CNBD1: variants seen among roughly 807,000 people sequenced by gnomAD.
CNBD1 encodes cyclic nucleotide-binding domain-containing protein 1.
In CNBD1, 71 loss-of-function variants were observed where a neutral mutation model predicts 54.4. The ratio of observed to expected loss-of-function variants is 1.30; its 90% confidence interval spans 1.08 to 1.59. The LOEUF is 1.59. Among genes scored for constraint, CNBD1 ranks in the 40% most tolerant of loss-of-function variants. The pLI, the probability that CNBD1 is intolerant of heterozygous loss-of-function variation, is 0.00. For synonymous variants in CNBD1, 182 were observed against 170.7 expected, an observed-to-expected ratio of 1.07 and a Z score of -0.51; for missense variants, 659 against 518.0, an observed-to-expected ratio of 1.27 and a Z score of -2.64.
At chr8:87,304,922 A>G (rs1482410761) in intron 8 of CNBD1, among the ~76,000 whole-genome samples, 1 of 152,056 alleles carries the variant, frequency 6.6e-6, no homozygotes, top group African/African-American at 2.4e-5. Flanking sequence ...AGCAATCAAG[A>G]GAAAGAAATA....
At chr8:86,908,804 G>GTT (rs1554629470) in intron 3 of CNBD1, among the ~76,000 whole-genome samples, 1 of 137,254 alleles carries the variant, frequency 7.3e-6, no homozygotes, top group African/African-American at 2.7e-5. Context: ...TTTTTTTTGT[G>GTT]CTGAGGGCAG....
At chr8:87,304,495 G>C (rs984973728) in intron 8 of CNBD1, among the ~76,000 whole-genome samples, 2 of 151,918 alleles carry the variant, frequency 1.3e-5, no homozygotes, top group Admixed American at 6.6e-5. Flanking sequence ...GTGGGGTGGG[G>C]TGAGGGGGGA....
chr8:87,337,367 G>A (rs578044523), intron 8 of CNBD1, among the ~76,000 whole-genome samples: 2 of 152,264 alleles, frequency 1.3e-5, no homozygotes, highest in African/African-American at 2.4e-5. Context: ...TCAGACCCAG[G>A]GAGATCAGAG....
intron 3 of CNBD1, among the ~76,000 whole-genome samples, chr8:86,935,282 T>C (rs574162705): frequency 2.6e-5 from 4 of 152,238 alleles, no homozygotes; most frequent in Admixed American, 2.6e-4. Flanking sequence ...GTAATCCACC[T>C]GCCTGGTCCT....
intron 6 of CNBD1, among the ~76,000 whole-genome samples, chr8:87,280,406 A>G (rs1808576639): frequency 6.6e-6 from 1 of 151,606 alleles, no homozygotes; most frequent in Non-Finnish European, 1.5e-5. Flanking sequence ...AAATAATCAC[A>G]AACTATGGAA....
intron 8 of CNBD1, among the ~76,000 whole-genome samples, chr8:87,342,874 A>G (rs1810096088): frequency 6.6e-6 from 1 of 152,140 alleles, no homozygotes; most frequent in African/African-American, 2.4e-5. Context: ...TAAACATCTT[A>G]ACAGTAAACA....
At chr8:87,369,577 A>G (rs972210051) in intron 10 of CNBD1, among the ~76,000 whole-genome samples, 4 of 151,956 alleles carry the variant, frequency 2.6e-5, no homozygotes, top group African/African-American at 9.7e-5. Context: ...TGTTAGATTT[A>G]GAATTCTTGG....
chr8:87,160,730 G>A (rs1279285852), intron 4 of CNBD1, among the ~76,000 whole-genome samples: 2 of 151,996 alleles, frequency 1.3e-5, no homozygotes, highest in African/African-American at 4.8e-5. Flanking sequence ...GGGATAGGGG[G>A]AGGATTCTTG....
chr8:87,182,129 T>C lies in CNBD1; in HGVS notation c.432-23864T>C, dbSNP rs146601599. On this transcript the variant is annotated intron_variant, in intron 4 of 10. Transcript: ENST00000518476. This position sits in a 1 kb window ranked among gnomAD's most constrained non-coding sequence, Gnocchi z 4.1. ...GTACTCAATATTTAGTTCCCATTTA[T>C]AAATGAGAACTGTGGTATTTGGATT... 5.3e-4 allele frequency among the ~76,000 whole-genome samples: 81 copies of C among 152,308 alleles called. 1 individual carries two copies. The highest frequency in any genetic ancestry group is 1.6e-3 in the African/African-American group (68 of 41,576).
Position 87,170,286 on chromosome 8 carries a change from T to C in CNBD1, c.432-35707T>C, listed in dbSNP as rs144315402. The stretch of plus-strand genomic sequence containing the variant: ...CCTGCAACTTTACTAAATTTGTTTA[T>C]CAGTTCTAATAGTTTTTTGGCAGAG... On this transcript the variant is annotated intron_variant, in intron 4 of 10. Transcript: ENST00000518476. Among the ~76,000 whole-genome samples, 14 of 152,120 alleles carry C rather than the reference T, an allele frequency of 9.2e-5. 1 individual carries two copies. The highest frequency in any genetic ancestry group is 3.4e-4 in the African/African-American group (14 of 41,400).
intron 5 of CNBD1, among the ~76,000 whole-genome samples, chr8:87,226,299 C>A (rs1429278701): frequency 2.0e-5 from 3 of 150,496 alleles, no homozygotes; most frequent in Admixed American, 6.6e-5. Context: ...AATGTGTTTG[C>A]TCGTGCTTTT....
At chr8:87,326,444 T>A (rs1809670928) in intron 8 of CNBD1, among the ~76,000 whole-genome samples, 1 of 127,106 alleles carries the variant, frequency 7.9e-6, no homozygotes. Context: ...GGTACACCAA[T>A]CAGACATAGA....
Position 86,966,988 on chromosome 8 carries a change from G to A in CNBD1, c.431+27234G>A, listed in dbSNP as rs535462511. On this transcript the variant is annotated intron_variant, in intron 4 of 10. Transcript: ENST00000518476. ...TGATTGGTCCGTTTTACAGAGTGCT[G>A]ATTGGTGTATTTACAAACCTTTAGC... Among the ~76,000 whole-genome samples, 5 of 152,262 alleles carry A rather than the reference G, an allele frequency of 3.3e-5. No homozygotes were observed. The East Asian group carries it at 7.7e-4, about 24-fold the overall frequency.
chr8:87,265,560 TTAAAG>T (rs1414226749), intron 6 of CNBD1, among the ~76,000 whole-genome samples: 10 of 152,222 alleles, frequency 6.6e-5, no homozygotes, highest in Admixed American at 2.6e-4. Context: ...TTTTAAAAAA[TTAAAG>T]TAAATAATAG....
chr8:87,037,254 A>T (rs1809968903), intron 4 of CNBD1, among the ~76,000 whole-genome samples: 1 of 152,074 alleles, frequency 6.6e-6, no homozygotes, highest in Non-Finnish European at 1.5e-5. Context: ...AACGGTATTT[A>T]TTCTGGAAGC....
At chr8:86,935,320 G>A (rs1348953991) in intron 3 of CNBD1, among the ~76,000 whole-genome samples, 6 of 152,192 alleles carry the variant, frequency 3.9e-5, no homozygotes, top group Non-Finnish European at 4.4e-5. Context: ...ACAGGCATGA[G>A]CCGACATGCC....
intron 4 of CNBD1, among the ~76,000 whole-genome samples, chr8:87,043,187 G>C (rs189246517): frequency 6.6e-6 from 1 of 152,164 alleles, no homozygotes; most frequent in South Asian, 2.1e-4. Context: ...CCAATGGAAT[G>C]AGGTGGTTGT....
In CNBD1 at chr8:87,424,762, T is replaced by A. The variant is rs528097101; in HGVS notation, c.214-3784T>A. Among the ~76,000 whole-genome samples the A allele has an allele frequency of 1.5e-4, 23 of 152,306 alleles. 1 individual carries two copies. In the South Asian group the frequency reaches 4.4e-3, roughly 29 times the overall value. ...TCTGGCTGCCCTTAACCTTTTTTCC[T>A]TCATTTCAACTTTGGTGAATCTGAC... is the stretch of plus-strand genomic sequence containing the variant. On this transcript the variant is annotated intron_variant, in intron 2 of 7. Coordinates refer to the CNBD1 transcript ENST00000521593.
chr8:87,076,332 A>C (rs1392661489), intron 4 of CNBD1, among the ~76,000 whole-genome samples: 3 of 152,216 alleles, frequency 2.0e-5, no homozygotes, highest in Admixed American at 1.3e-4. Flanking sequence ...TAGTCCTAGC[A>C]TATGGTCACT....
Sources: gnomAD v4.1 joint callset for allele counts (sites outside exome capture counted in the v4.1 genomes callset) on GRCh38, gnomAD v4.1.1 for gene constraint, Gnocchi (gnomAD v3.1) non-coding constraint, MANE v1.5 for transcripts, NCBI Gene and HGNC (gene_info 2026-07-23, HGNC 2026-07-21) for gene names.